The following OTUB1 variants were observed in gnomAD, a reference collection of about 807,000 sequenced individuals.
The protein encoded by OTUB1 is OTU deubiquitinase, ubiquitin aldehyde binding 1.
In OTUB1, 10 loss-of-function variants were observed where a neutral mutation model predicts 35.8. That is an observed-to-expected ratio of 0.28 (90% CI 0.17 to 0.47). The LOEUF (loss-of-function observed/expected upper bound fraction) is 0.47, where lower values mean the gene tolerates loss of function less well. Among genes scored for constraint, OTUB1 ranks in the 20% least tolerant of loss-of-function variants. The pLI is 0.99. For synonymous variants in OTUB1, 158 were observed against 143.8 expected (o/e 1.10, Z -0.71); for missense variants, 264 against 351.6 (o/e 0.75, Z 1.99).
In OTUB1 at chr11:63,997,436, A is replaced by G. The variant is rs1942732542; in HGVS notation, c.706A>G (p.Met236Val). The change falls in exon 7 of 7, where the codon ATG becomes GTG. Residue 236 changes from methionine (M) to valine (V), a missense_variant. Coordinates refer to ENST00000538426, the MANE Select transcript of OTUB1 (RefSeq NM_017670.3). ...ALSVSIQVEY[M>V]DRGEGGTTNP... Reference sequence around the variant, plus strand: ...CAGCGTGTCCATCCAGGTGGAGTACATGGACCGCGGCGAGGGCGGCACCAC... The same window carrying G: ...CAGCGTGTCCATCCAGGTGGAGTACGTGGACCGCGGCGAGGGCGGCACCAC... 1.9e-6 allele frequency: 3 copies of G among 1,613,992 alleles called. No individual in the cohort carries two copies. Among genetic ancestry groups the G allele is most frequent in the Non-Finnish European group, 2.5e-6 (3 of 1,179,986 alleles).
intron 5 of OTUB1, 49 bp downstream of exon 5, chr11:63,996,990 C>A (rs1465709676): frequency 6.2e-7 from 1 of 1,612,410 alleles, no homozygotes; most frequent in Non-Finnish European, 8.5e-7. Flanking sequence ...AGGGGTTCAC[C>A]TGGTGAGGAC....
chr11:63,996,014 A>AG (rs1315250602), intron 3 of OTUB1, among the ~76,000 whole-genome samples: 1 of 152,068 alleles, frequency 6.6e-6, no homozygotes, highest in Admixed American at 6.6e-5. Flanking sequence ...TCTCAAAAAA[A>AG]CAAGTAGAGG....
chr11:63,988,988 T>G, intron 3 of OTUB1: 2 of 382,012 alleles, frequency 5.2e-6, no homozygotes, highest in South Asian at 1.2e-4. Flanking sequence ...CACTCCAGCC[T>G]GGGTGATAAG....
Position 63,996,867 on chromosome 11 carries a change from G to A in OTUB1, c.349G>A (p.Val117Met). 1 of 1,614,232 alleles carries A rather than the reference G, an allele frequency of 6.2e-7. No homozygotes were observed. The highest frequency in any genetic ancestry group is 1.1e-5 in the South Asian group (1 of 91,088). ...DSKELQRFKA[V>M]SAKSKEDLVS... ...CCATCCCACCCCCAGGTTCAAGGCT[G>A]TGTCTGCCAAGAGCAAGGAAGACCT... The change falls in exon 5 of 7, where the codon GTG becomes ATG. Residue 117 changes from valine (V) to methionine (M), a missense_variant. Around this residue, in one of 2 missense-constraint regions of OTUB1, gnomAD observed 214 missense variants for 317.1 expected, o/e 0.67. Coordinates refer to ENST00000538426, the MANE Select transcript of OTUB1 (RefSeq NM_017670.3).
At chr11:63,987,299 A>G (rs1049472901) in intron 1 of OTUB1, among the ~76,000 whole-genome samples, 1 of 152,220 alleles carries the variant, frequency 6.6e-6, no homozygotes, top group African/African-American at 2.4e-5. Flanking sequence ...CATTCAGCCC[A>G]CGCACCTCAT....
chr11:63,994,479 T>C (rs544504432), intron 3 of OTUB1, among the ~76,000 whole-genome samples: 19 of 152,150 alleles, frequency 1.2e-4, no homozygotes, highest in Non-Finnish European at 2.2e-4. Context: ...TCTTGATCTC[T>C]TGACCTCGAT....
intron 3 of OTUB1, among the ~76,000 whole-genome samples, chr11:63,994,276 G>A (rs935349931): frequency 2.0e-5 from 3 of 151,992 alleles, no homozygotes; most frequent in Non-Finnish European, 4.4e-5. Flanking sequence ...TTTTTGAAAC[G>A]GAGTCTCCCT....
chr11:63,997,001 C>T, intron 5 of OTUB1, 49 bp from the exon 6 acceptor site: 1 of 1,610,460 alleles, frequency 6.2e-7, no homozygotes, highest in East Asian at 2.2e-5. Context: ...TGGTGAGGAC[C>T]ACCCATCTCC....
chr11:63,994,475 T>C (rs1312498096), intron 3 of OTUB1, among the ~76,000 whole-genome samples: 1 of 152,200 alleles, frequency 6.6e-6, no homozygotes, highest in Non-Finnish European at 1.5e-5. Flanking sequence ...ATGGTCTTGA[T>C]CTCTTGACCT....
At chr11:63,986,570 G>A (rs1227811286) in intron 1 of OTUB1, 56 bp downstream of exon 1, 5 of 1,476,382 alleles carry the variant, frequency 3.4e-6, no homozygotes, top group African/African-American at 1.4e-5. Context: ...TGCCGGGCCA[G>A]CTGCTCCCGA....
At chr11:63,990,050 T>G (rs1278239368) in intron 3 of OTUB1, 1 of 149,518 alleles carries the variant, frequency 6.7e-6, no homozygotes, top group Admixed American at 6.7e-5. Flanking sequence ...ATAGGGCGAT[T>G]GTGAGATTGA....
chr11:63,987,280 C>T (rs1303262051), intron 1 of OTUB1, among the ~76,000 whole-genome samples: 2 of 152,214 alleles, frequency 1.3e-5, no homozygotes, highest in African/African-American at 4.8e-5. Context: ...AAGGGTTGAC[C>T]TTTAAAGTCA....
Position 63,997,601 on chromosome 11 carries a change from T to G in OTUB1, c.*55T>G, listed in dbSNP as rs781314211. ...GCCCCCCTCTGCCAGGCGCTAGACA[T>G]GTACAGAGGTTTTTCTGTGGTTGTA... On this transcript the variant is annotated 3_prime_UTR_variant, in exon 7 of 7. Transcript: ENST00000538426. 1 of 1,486,670 alleles carries G rather than the reference T, an allele frequency of 6.7e-7. No individual in the cohort carries two copies. The highest frequency in any genetic ancestry group is 9.4e-7 in the Non-Finnish European group (1 of 1,067,188). 92.1% of individuals were successfully genotyped at this position (1,486,670 alleles called of 1,614,324 possible).
chr11:63,998,146 C>G lies in OTUB1; in HGVS notation c.*600C>G, dbSNP rs895025990. ...CACAGGGTGCCCGGGCAGTGCCATCCTGGTGGGGGAGGGCAGCCTTCAAAC... is the reference window on the plus strand; with the variant it reads ...CACAGGGTGCCCGGGCAGTGCCATCGTGGTGGGGGAGGGCAGCCTTCAAAC... On this transcript the variant is annotated 3_prime_UTR_variant, in exon 7 of 7. Transcript: ENST00000538426. The G allele has an allele frequency of 6.9e-6, 2 of 288,518 alleles. No homozygotes were observed. The highest frequency in any genetic ancestry group is 4.3e-5 in the African/African-American group (2 of 46,020). 17.9% of individuals were successfully genotyped at this position (288,518 alleles called of 1,614,324 possible).
intron 3 of OTUB1, among the ~76,000 whole-genome samples, chr11:63,991,157 C>T (rs555342317): frequency 1.3e-5 from 2 of 151,528 alleles, no homozygotes; most frequent in East Asian, 3.9e-4. Flanking sequence ...TGTGTGATCT[C>T]GGGCAACACC....
chr11:63,987,902 G>T (rs949521797), intron 1 of OTUB1, among the ~76,000 whole-genome samples: 1 of 152,094 alleles, frequency 6.6e-6, no homozygotes, highest in Non-Finnish European at 1.5e-5. Flanking sequence ...CTGAAAGAGC[G>T]CACCTTAGGG....
intron 3 of OTUB1, among the ~76,000 whole-genome samples, chr11:63,993,041 G>C (rs1942686599): frequency 6.6e-6 from 1 of 152,266 alleles, no homozygotes; most frequent in African/African-American, 2.4e-5. Context: ...TGAAGGGGAG[G>C]CAGGGACACT....
At chr11:63,994,468 G>T (rs1426906525) in intron 3 of OTUB1, among the ~76,000 whole-genome samples, 2 of 152,164 alleles carry the variant, frequency 1.3e-5, no homozygotes, top group African/African-American at 4.8e-5. Flanking sequence ...GGCCAGGATG[G>T]TCTTGATCTC....
intron 5 of OTUB1, 37 bp downstream of exon 5, chr11:63,996,978 G>A (rs1420868462): frequency 1.9e-6 from 3 of 1,613,086 alleles, no homozygotes; most frequent in African/African-American, 1.3e-5. Context: ...GGGCCATGGG[G>A]GAGGGGTTCA....
Sources: allele counts gnomAD v4.1 joint callset (sites outside exome capture counted in the v4.1 genomes callset), GRCh38; gene constraint gnomAD v4.1.1; regional missense constraint gnomAD v4.1.1; transcripts MANE v1.5; gene names NCBI Gene and HGNC (gene_info 2026-07-23, HGNC 2026-07-21).